SHISA9: variants seen among roughly 807,000 people sequenced by gnomAD.
SHISA9 encodes protein shisa-9.
A neutral mutation model predicts 38.0 loss-of-function variants in SHISA9; 13 were observed. The observed-to-expected ratio is 0.34, with a 90% CI of 0.22 to 0.54. The LOEUF (loss-of-function observed/expected upper bound fraction) is 0.54, where lower values mean the gene tolerates loss of function less well. SHISA9 is among the 20% of genes least tolerant of loss of function. The probability of loss-of-function intolerance (pLI) is 0.91; values close to 1 mark genes in which losing one functional copy is unlikely to be tolerated. For missense variants in SHISA9, 538 were observed against 575.8 expected (o/e 0.93, Z 0.67); for synonymous variants, 275 against 242.0 (o/e 1.14, Z -1.27).
the SHISA9 span, among the ~76,000 whole-genome samples, chr16:13,379,519 G>A: frequency 6.6e-6 from 1 of 152,186 alleles, no homozygotes; most frequent in Non-Finnish European, 1.5e-5. Context: ...AGGCACTGGA[G>A]GAGGAATTCA....
the SHISA9 span, among the ~76,000 whole-genome samples, chr16:13,351,228 A>G: frequency 6.6e-6 from 1 of 152,076 alleles, no homozygotes. Flanking sequence ...CCTTACCTAC[A>G]CTGCCTGTCA....
At chr16:13,280,262 A>G in the SHISA9 span, among the ~76,000 whole-genome samples, 1 of 151,328 alleles carries the variant, frequency 6.6e-6, no homozygotes, top group Admixed American at 6.6e-5. Flanking sequence ...TTCTTTCATC[A>G]GAAGACCAGT....
At chr16:13,411,952 C>T in the SHISA9 span, among the ~76,000 whole-genome samples, 1 of 152,160 alleles carries the variant, frequency 6.6e-6, no homozygotes, top group Non-Finnish European at 1.5e-5. Flanking sequence ...TAAATTTTAG[C>T]TATTACCATC....
the SHISA9 span, among the ~76,000 whole-genome samples, chr16:13,403,747 G>T: frequency 6.6e-6 from 1 of 152,200 alleles, no homozygotes; most frequent in African/African-American, 2.4e-5. Context: ...TTCTAATTCA[G>T]GGTCTGAAAT....
chr16:13,430,861 G>A, the SHISA9 span, among the ~76,000 whole-genome samples: 2 of 151,174 alleles, frequency 1.3e-5, no homozygotes, highest in Non-Finnish European at 2.9e-5. Flanking sequence ...CGATGCTACA[G>A]TGAGCTATTA....
chr16:12,966,977 C>G (rs1489755621), intron 2 of SHISA9, among the ~76,000 whole-genome samples: 1 of 152,152 alleles, frequency 6.6e-6, no homozygotes. Context: ...GTGATGATCT[C>G]TGGGGAGGTC....
At chr16:13,359,967 A>G in the SHISA9 span, among the ~76,000 whole-genome samples, 2 of 152,202 alleles carry the variant, frequency 1.3e-5, no homozygotes. Flanking sequence ...TCATCTGTGC[A>G]TGCCCCACTT....
rs556528449 is a variant in SHISA9 at position 13,237,809 on chromosome 16, G to A, written c.*2400G>A. ...CTTGGGAAGACCCCAGAGCTTCCCAGAGTCAAGTAAATACCACTGGGCATG... is the reference window on the plus strand; with the variant it reads ...CTTGGGAAGACCCCAGAGCTTCCCAAAGTCAAGTAAATACCACTGGGCATG... On this transcript the variant is annotated 3_prime_UTR_variant, in exon 5 of 5. Transcript: ENST00000558583. 6.6e-6 allele frequency: 1 copy of A among 152,142 alleles called. No individual in the cohort carries two copies. The highest frequency in any genetic ancestry group is 2.1e-4 in the South Asian group (1 of 4,806). 9.4% of individuals were successfully genotyped at this position (152,142 alleles called of 1,614,324 possible). A position where few individuals can be genotyped will look rare whatever the true frequency, so the allele number is the denominator to read the frequency against.
the SHISA9 span, among the ~76,000 whole-genome samples, chr16:13,557,150 C>T: frequency 6.6e-6 from 1 of 152,150 alleles, no homozygotes; most frequent in Non-Finnish European, 1.5e-5. Context: ...ACAGAATATT[C>T]TTCAACAAGT....
the SHISA9 span, among the ~76,000 whole-genome samples, chr16:13,388,996 C>T: frequency 6.6e-6 from 1 of 152,152 alleles, no homozygotes; most frequent in African/African-American, 2.4e-5. Context: ...TACCCTCTGT[C>T]CTATACACGC....
intron 2 of SHISA9, among the ~76,000 whole-genome samples, chr16:13,128,730 A>G (rs2050282430): frequency 6.6e-6 from 1 of 152,118 alleles, no homozygotes; most frequent in Non-Finnish European, 1.5e-5. Context: ...TGGGTCCCAC[A>G]TGTGTATGGG....
At chr16:13,167,072 CTTT>C (rs11372669) in intron 2 of SHISA9, among the ~76,000 whole-genome samples, 2 of 124,422 alleles carry the variant, frequency 1.6e-5, no homozygotes, top group Middle Eastern at 4.1e-3. Flanking sequence ...TCTCTTTTTT[CTTT>C]TTTTTTTTTT....
intron 2 of SHISA9, among the ~76,000 whole-genome samples, chr16:13,188,372 A>G (rs1013872758): frequency 2.0e-5 from 3 of 152,062 alleles, no homozygotes; most frequent in Non-Finnish European, 4.4e-5. Context: ...GAGTGAGGCT[A>G]AGTACTGGAA....
chr16:13,160,930 T>A (rs1172438688), intron 2 of SHISA9, among the ~76,000 whole-genome samples: 4 of 152,210 alleles, frequency 2.6e-5, no homozygotes, highest in Non-Finnish European at 4.4e-5. Context: ...AGTAAATTCT[T>A]AGCCTCAGGG....
At chr16:13,146,521 A>T (rs1006677887) in intron 2 of SHISA9, among the ~76,000 whole-genome samples, 3 of 152,166 alleles carry the variant, frequency 2.0e-5, no homozygotes, top group Non-Finnish European at 4.4e-5. Context: ...TGTGTTACAG[A>T]CAACTCAATT....
At chr16:13,136,115 C>A (rs1205296951) in intron 2 of SHISA9, among the ~76,000 whole-genome samples, 1 of 152,104 alleles carries the variant, frequency 6.6e-6, no homozygotes, top group Non-Finnish European at 1.5e-5. Context: ...CTTGATGTCT[C>A]TGTTTATTAG....
intron 2 of SHISA9, among the ~76,000 whole-genome samples, chr16:13,070,511 G>A (rs1483059031): frequency 6.6e-6 from 1 of 152,204 alleles, no homozygotes; most frequent in Non-Finnish European, 1.5e-5. Flanking sequence ...AAACCTGGCT[G>A]TGCCGTGGCT....
the SHISA9 span, among the ~76,000 whole-genome samples, chr16:13,442,327 G>T: frequency 5.9e-5 from 8 of 135,778 alleles, no homozygotes; most frequent in South Asian, 2.7e-4. Flanking sequence ...TTTTTTTTTT[G>T]ATATGGAGTC....
the SHISA9 span, among the ~76,000 whole-genome samples, chr16:13,301,650 C>A: frequency 6.6e-6 from 1 of 152,042 alleles, no homozygotes; most frequent in Non-Finnish European, 1.5e-5. Flanking sequence ...TATTTAATTT[C>A]CTAACTGAGT....
Sources: gnomAD v4.1 joint callset for allele counts (sites outside exome capture counted in the v4.1 genomes callset) on GRCh38, gnomAD v4.1.1 for gene constraint, MANE v1.5 for transcripts, NCBI Gene and HGNC (gene_info 2026-07-23, HGNC 2026-07-21) for gene names.